SYT1: variants seen among roughly 807,000 people sequenced by gnomAD.
The protein encoded by SYT1 is synaptotagmin-1.
A neutral mutation model predicts 44.8 loss-of-function variants in SYT1; 8 were observed. The observed-to-expected ratio is 0.18, with a 90% confidence interval of 0.10 to 0.32. The LOEUF is 0.32. SYT1 is among the 10% of genes least tolerant of loss of function. The pLI, the probability that SYT1 is intolerant of heterozygous loss-of-function variation, is 1.00. For missense variants in SYT1, 286 were observed against 509.3 expected (o/e 0.56, Z 4.22); for synonymous variants, 154 against 188.8 (o/e 0.82, Z 1.51).
intron 4 of SYT1, among the ~76,000 whole-genome samples, chr12:79,220,108 T>A (rs189369869): frequency 2.6e-4 from 39 of 152,134 alleles, no homozygotes; most frequent in African/African-American, 8.9e-4. Context: ...TCATTACTGA[T>A]CTATTAAGAT....
At chr12:78,881,814 GA>G (rs1352756325) in intron 1 of SYT1, among the ~76,000 whole-genome samples, 1 of 151,532 alleles carries the variant, frequency 6.6e-6, no homozygotes, top group Admixed American at 6.6e-5. Flanking sequence ...AGCTCTCTTT[GA>G]GAAGCTGATT....
chr12:79,238,301 A>G (rs1876305771), intron 4 of SYT1, among the ~76,000 whole-genome samples: 1 of 151,970 alleles, frequency 6.6e-6, no homozygotes, highest in Non-Finnish European at 1.5e-5. Context: ...GTATGACCCA[A>G]CTTTTTTTTC....
intron 2 of SYT1, among the ~76,000 whole-genome samples, chr12:79,035,121 G>A (rs1369529269): frequency 6.6e-6 from 1 of 151,632 alleles, no homozygotes; most frequent in Non-Finnish European, 1.5e-5. Context: ...CTAAAGATGA[G>A]CCGCTAGTCA....
chr12:79,408,008 C>A (rs1885303213), intron 9 of SYT1, among the ~76,000 whole-genome samples: 1 of 152,116 alleles, frequency 6.6e-6, no homozygotes, highest in Non-Finnish European at 1.5e-5. Context: ...GAATGGAGAA[C>A]CTTAAATGCA....
chr12:79,045,222 G>C (rs971400233), intron 2 of SYT1, among the ~76,000 whole-genome samples: 30 of 152,130 alleles, frequency 2.0e-4, no homozygotes, highest in African/African-American at 6.3e-4. Flanking sequence ...CCCCCAGCCT[G>C]GCTGCCGCCT....
At chr12:79,139,955 T>C (rs1869453032) in intron 3 of SYT1, among the ~76,000 whole-genome samples, 1 of 152,174 alleles carries the variant, frequency 6.6e-6, no homozygotes, top group South Asian at 2.1e-4. Flanking sequence ...GAAAAGACCA[T>C]ACAAACCTAT....
chr12:79,212,936 G>C (rs1020743432), intron 3 of SYT1, among the ~76,000 whole-genome samples: 1 of 152,164 alleles, frequency 6.6e-6, no homozygotes, highest in Admixed American at 6.5e-5. Context: ...AATAGGAATT[G>C]AGAATTTTCT....
At chr12:79,421,148 C>T (rs772001694) in intron 9 of SYT1, among the ~76,000 whole-genome samples, 7 of 151,864 alleles carry the variant, frequency 4.6e-5, no homozygotes, top group Non-Finnish European at 7.4e-5. Flanking sequence ...ATTTTAAGAT[C>T]GTATTGCTTT....
intron 9 of SYT1, among the ~76,000 whole-genome samples, chr12:79,395,005 A>G (rs542687643): frequency 1.3e-5 from 2 of 152,326 alleles, no homozygotes; most frequent in East Asian, 1.9e-4. Flanking sequence ...TTATTATCTT[A>G]TATTATTTTT....
chr12:79,250,910 A>G (rs754120214), intron 4 of SYT1, among the ~76,000 whole-genome samples: 2 of 152,026 alleles, frequency 1.3e-5, no homozygotes, highest in African/African-American at 4.8e-5. Context: ...TGTCCTCTAC[A>G]TGTTGGTTAT....
intron 8 of SYT1, among the ~76,000 whole-genome samples, chr12:79,314,117 C>T (rs181634352): frequency 5.7e-5 from 8 of 139,552 alleles, no homozygotes; most frequent in Non-Finnish European, 1.2e-4. Flanking sequence ...TGCAGTGAGC[C>T]GAGATCGCGC....
chr12:79,307,055 G>A (rs1173727659), intron 8 of SYT1, among the ~76,000 whole-genome samples: 6 of 152,042 alleles, frequency 3.9e-5, no homozygotes, highest in Non-Finnish European at 7.4e-5. Context: ...TATCTTGTTT[G>A]TGAATCTTAA....
intron 3 of SYT1, chr12:79,102,984 A>G (rs1878524027): frequency 6.6e-6 from 1 of 152,106 alleles, no homozygotes; most frequent in Admixed American, 6.5e-5. Context: ...ACAACACTAT[A>G]AGGTAAATAT....
intron 8 of SYT1, among the ~76,000 whole-genome samples, chr12:79,314,168 C>CTAAA (rs1880964754): frequency 1.5e-5 from 1 of 67,300 alleles, no homozygotes; most frequent in African/African-American, 6.3e-5. Flanking sequence ...GACTCCGTCT[C>CTAAA]AAAAAAAAAA....
intron 5 of SYT1, among the ~76,000 whole-genome samples, chr12:79,289,383 T>C (rs1879462254): frequency 6.6e-6 from 1 of 152,190 alleles, no homozygotes; most frequent in African/African-American, 2.4e-5. Context: ...TAGGTCTGAA[T>C]TTAATATGAT....
chr12:78,936,646 T>C (rs186713366), intron 1 of SYT1, among the ~76,000 whole-genome samples: 199 of 152,310 alleles, frequency 1.3e-3, no homozygotes, highest in African/African-American at 4.6e-3. Context: ...ATGTAGACTA[T>C]ATTTTTCTGA....
rs866701675 is a variant in SYT1, at chr12:79,001,372, A to G, written c.-84+23441A>G. 5.9e-5 allele frequency among the ~76,000 whole-genome samples: 9 copies of G among 152,158 alleles called. 1 individual carries two copies. The highest frequency in any genetic ancestry group is 1.9e-4 in the African/African-American group (8 of 41,540). On this transcript the variant is annotated intron_variant, in intron 2 of 10. Transcript: ENST00000261205. ...TTAGAGAACATTAACTTTAGTTCCT[A>G]TTATTAATTGGATTCAAATATCAAT...
chr12:79,353,363 T>C (rs1882986215), intron 8 of SYT1, 139 bp from the exon 9 acceptor site: 1 of 616,582 alleles, frequency 1.6e-6, no homozygotes, highest in Non-Finnish European at 2.8e-6. Context: ...GAAAGGCCAC[T>C]GTGTAAATGC....
chr12:79,089,497 G>GAAAAAAA (rs1317760421), intron 3 of SYT1, among the ~76,000 whole-genome samples: 1 of 68,928 alleles, frequency 1.5e-5, no homozygotes, highest in African/African-American at 5.6e-5. Context: ...GAAGTCAACT[G>GAAAAAAA]AAAAAAAAAA....
Sources: gnomAD v4.1 joint callset for allele counts (sites outside exome capture counted in the v4.1 genomes callset) on GRCh38, gnomAD v4.1.1 for gene constraint, MANE v1.5 for transcripts, NCBI Gene and HGNC (gene_info 2026-07-23, HGNC 2026-07-21) for gene names.